The following KIAA1328 variants were observed in gnomAD, a reference collection of about 807,000 sequenced individuals.
KIAA1328 encodes KIAA1328, also known as protein hinderin.
Under a neutral mutation model 68.1 loss-of-function variants are expected in KIAA1328, and 52 were observed. The observed-to-expected ratio is 0.76, with a 90% CI of 0.61 to 0.96. The LOEUF (loss-of-function observed/expected upper bound fraction) is 0.96, where lower values mean the gene tolerates loss of function less well. Among genes scored for constraint, KIAA1328 ranks in the 40% least tolerant of loss-of-function variants. KIAA1328 has a pLI of 0.00. For missense variants in KIAA1328, 641 were observed against 677.6 expected (o/e 0.95, Z 0.60); for synonymous variants, 232 against 239.4 (o/e 0.97, Z 0.28).
intron 6 of KIAA1328, among the ~76,000 whole-genome samples, chr18:36,989,761 C>G (rs2053095330): frequency 6.6e-6 from 1 of 152,072 alleles, no homozygotes; most frequent in African/African-American, 2.4e-5. Flanking sequence ...GTGGCACGAT[C>G]TCGGCTCACT....
intron 7 of KIAA1328, among the ~76,000 whole-genome samples, chr18:37,137,862 T>G (rs897505819): frequency 6.6e-6 from 1 of 152,190 alleles, no homozygotes; most frequent in Non-Finnish European, 1.5e-5. Context: ...TTTTCCCTCC[T>G]GAGGTCCAAA....
chr18:37,165,878 C>T lies in KIAA1328; in HGVS notation c.1414+5497C>T, dbSNP rs373810324. On this transcript the variant is annotated intron_variant, in intron 8 of 9. Coordinates refer to ENST00000280020, the MANE Select transcript of KIAA1328 (RefSeq NM_020776.3). ...GAGGCTTTTTGAAAATGCTCTTTAT[C>T]GGGCTGAGAAAGTTTCCTCCTAGTT... 3.3e-5 allele frequency among the ~76,000 whole-genome samples: 5 copies of T among 152,094 alleles called. No individual in the cohort carries two copies. The East Asian group carries it at 7.7e-4, about 23-fold the overall frequency.
chr18:36,989,742 T>C (rs1196042951), intron 6 of KIAA1328, among the ~76,000 whole-genome samples: 2 of 152,184 alleles, frequency 1.3e-5, no homozygotes, highest in African/African-American at 2.4e-5. Flanking sequence ...TCGCCCAGGC[T>C]GGAGTGCAGT....
intron 5 of KIAA1328, among the ~76,000 whole-genome samples, chr18:36,910,842 C>T (rs1426009444): frequency 6.6e-6 from 1 of 152,112 alleles, no homozygotes; most frequent in East Asian, 1.9e-4. Context: ...TGTGCTTTAA[C>T]AGGAGGCATT....
intron 7 of KIAA1328, among the ~76,000 whole-genome samples, chr18:37,131,035 AAAT>A (rs2058509776): frequency 6.6e-6 from 1 of 152,178 alleles, no homozygotes; most frequent in African/African-American, 2.4e-5. Flanking sequence ...CAAATCTTTA[AAAT>A]AATAGATTAA....
chr18:37,050,471 A>G (rs894710816), intron 6 of KIAA1328, among the ~76,000 whole-genome samples: 7 of 152,144 alleles, frequency 4.6e-5, no homozygotes, highest in African/African-American at 1.7e-4. Flanking sequence ...TCAAACTAGC[A>G]TTATGCTTTT....
intron 7 of KIAA1328, among the ~76,000 whole-genome samples, chr18:37,130,903 T>C (rs1296082788): frequency 1.3e-5 from 2 of 152,200 alleles, no homozygotes; most frequent in African/African-American, 4.8e-5. Flanking sequence ...GGCCATATGT[T>C]CCAGGGCTTT....
intron 7 of KIAA1328, among the ~76,000 whole-genome samples, chr18:37,079,785 G>C (rs2151792904): frequency 6.6e-6 from 1 of 151,712 alleles, no homozygotes; most frequent in South Asian, 2.1e-4. Context: ...TACTCAGGAT[G>C]CTTAGGCACG....
In KIAA1328 at chr18:37,225,160, G is replaced by A; in HGVS notation, c.*2933G>A. The A allele has an allele frequency of 1.0e-6, 1 of 985,498 alleles. No individual in the cohort carries two copies. 61.0% of individuals were successfully genotyped at this position (985,498 alleles called of 1,614,324 possible). On this transcript the variant is annotated 3_prime_UTR_variant, in exon 10 of 10. Coordinates refer to ENST00000280020, the MANE Select transcript of KIAA1328 (RefSeq NM_020776.3). Reference sequence around the variant, plus strand: ...TTCTGGCCAGAGAATCAGGGGAGAGGAGAGGCCTGATGGGGCAGAGCTGGA... The same window carrying A: ...TTCTGGCCAGAGAATCAGGGGAGAGAAGAGGCCTGATGGGGCAGAGCTGGA...
intron 9 of KIAA1328, among the ~76,000 whole-genome samples, chr18:37,206,976 GGA>G (rs1341217526): frequency 6.6e-6 from 1 of 152,078 alleles, no homozygotes; most frequent in Non-Finnish European, 1.5e-5. Flanking sequence ...GAAAAGACCT[GGA>G]GAGTTTCCTT....
chr18:36,842,952 A>G (rs1179502032), intron 3 of KIAA1328, among the ~76,000 whole-genome samples: 2 of 152,110 alleles, frequency 1.3e-5, no homozygotes, highest in Admixed American at 1.3e-4. Context: ...AAATCCAATT[A>G]CTTAAATTGA....
At chr18:37,062,463 T>G (rs2056186956) in intron 6 of KIAA1328, among the ~76,000 whole-genome samples, 1 of 151,828 alleles carries the variant, frequency 6.6e-6, no homozygotes, top group Non-Finnish European at 1.5e-5. Flanking sequence ...TTTTTGTTTT[T>G]TTTTTTTGAG....
intron 6 of KIAA1328, among the ~76,000 whole-genome samples, chr18:36,984,521 T>C (rs2052828762): frequency 6.6e-6 from 1 of 152,114 alleles, no homozygotes; most frequent in African/African-American, 2.4e-5. Flanking sequence ...CACTTCTATG[T>C]ATATGGAATA....
At chr18:36,920,307 G>A (rs535573404) in intron 5 of KIAA1328, among the ~76,000 whole-genome samples, 2 of 152,216 alleles carry the variant, frequency 1.3e-5, no homozygotes, top group African/African-American at 4.8e-5. Context: ...TGAATAGAGA[G>A]TCCTTTCCCC....
chr18:37,185,754 CAT>C (rs1297337881), intron 9 of KIAA1328, among the ~76,000 whole-genome samples: 20 of 151,886 alleles, frequency 1.3e-4, no homozygotes, highest in South Asian at 4.2e-4. Flanking sequence ...CACACACACA[CAT>C]ACCACTTTTA....
chr18:37,224,948 C>T lies in KIAA1328; in HGVS notation c.*2721C>T. The stretch of plus-strand genomic sequence containing the variant: ...CTTGATGCAGAGAACCAAAGTGAAT[C>T]ATAGAAAAGCTTTTGCTAACAGTCC... On this transcript the variant is annotated 3_prime_UTR_variant, in exon 10 of 10. Coordinates refer to ENST00000280020, the MANE Select transcript of KIAA1328 (RefSeq NM_020776.3). 1 of 985,444 alleles carries T rather than the reference C, an allele frequency of 1.0e-6. No individual in the cohort carries two copies. Among genetic ancestry groups the T allele is most frequent in the East Asian group, 1.1e-4 (1 of 8,812 alleles). The allele number at this position is 985,444 out of a possible 1,614,324, so 61.0% of individuals were successfully genotyped here.
chr18:37,036,223 G>A (rs72890562), intron 6 of KIAA1328, among the ~76,000 whole-genome samples: 4 of 152,312 alleles, frequency 2.6e-5, no homozygotes, highest in Non-Finnish European at 5.9e-5. Context: ...TGTTTCTGGA[G>A]CATTGAAAGG....
intron 6 of KIAA1328, among the ~76,000 whole-genome samples, chr18:37,064,350 T>C (rs2056265396): frequency 1.3e-5 from 2 of 152,198 alleles, no homozygotes. Flanking sequence ...TCTCTGTTAG[T>C]TGATACTTTT....
intron 5 of KIAA1328, among the ~76,000 whole-genome samples, chr18:36,904,384 C>A (rs556176818): frequency 1.3e-5 from 2 of 151,946 alleles, no homozygotes; most frequent in African/African-American, 4.8e-5. Context: ...ACAGTTTTGT[C>A]TTCTTATATT....
Sources: gnomAD v4.1 joint callset for allele counts (sites outside exome capture counted in the v4.1 genomes callset) on GRCh38, gnomAD v4.1.1 for gene constraint, MANE v1.5 for transcripts, NCBI Gene and HGNC (gene_info 2026-07-23, HGNC 2026-07-21) for gene names.